The following MTMR9 variants were observed in gnomAD, a reference collection of about 807,000 sequenced individuals.
MTMR9 encodes the protein myotubularin-related protein 9.
Under a neutral mutation model 69.5 loss-of-function variants are expected in MTMR9, and 39 were observed. The ratio of observed to expected loss-of-function variants is 0.56; its 90% confidence interval spans 0.43 to 0.73. The LOEUF (loss-of-function observed/expected upper bound fraction) is 0.73. Among genes scored for constraint, MTMR9 ranks in the 30% least tolerant of loss-of-function variants. The pLI, the probability that MTMR9 is intolerant of heterozygous loss-of-function variation, is 0.00. For synonymous variants in MTMR9, 354 were observed against 240.8 expected (o/e 1.47, Z -4.35); for missense variants, 900 against 671.2 (o/e 1.34, Z -3.77).
intron 8 of MTMR9, chr8:11,317,337 T>A (rs1272065924): frequency 1.3e-5 from 2 of 152,416 alleles, no homozygotes; most frequent in African/African-American, 4.8e-5. Flanking sequence ...CAGGGACCAG[T>A]TTTGTGGATA....
At chr8:11,286,666 CAAAAAAAAAAAAAAA>C (rs869105936) in intron 1 of MTMR9, among the ~76,000 whole-genome samples, 1 of 71,664 alleles carries the variant, frequency 1.4e-5, no homozygotes, top group Non-Finnish European at 2.8e-5. Context: ...AACTCCATCT[CAAAAAAAAAAAAAAA>C]AAAAAAAAAA....
downstream of MTMR9, chr8:11,331,271 C>G (rs142496846): frequency 8.2e-4 from 1,326 of 1,613,852 alleles, 1 homozygote; most frequent in Middle Eastern, 1.3e-3. Context: ...GCTTCGTGGG[C>G]CCCCTTTCTC....
At chr8:11,315,610 T>C (rs1800384184) in intron 7 of MTMR9, among the ~76,000 whole-genome samples, 1 of 152,256 alleles carries the variant, frequency 6.6e-6, no homozygotes, top group African/African-American at 2.4e-5. Flanking sequence ...TAATTGTATT[T>C]GAACACAAAT....
intron 7 of MTMR9, 159 bp from the exon 8 acceptor site, chr8:11,316,514 T>C (rs963017134): frequency 8.6e-6 from 4 of 463,154 alleles, no homozygotes; most frequent in Non-Finnish European, 1.5e-5. Flanking sequence ...GCTATTTATT[T>C]TATACCAAGA....
In MTMR9 at chr8:11,311,882, T is replaced by TG. The variant is rs375864728; in HGVS notation, c.971+2194_971+2195insG. ...CTAAGTTGATGTGGTATTCTAAATCTTTTTTTTTTTTTTTGTCATTTCAAC... is the reference window on the plus strand; with the variant it reads ...CTAAGTTGATGTGGTATTCTAAATCTGTTTTTTTTTTTTTTGTCATTTCAAC... On this transcript the variant is annotated intron_variant, in intron 6 of 9. Coordinates refer to ENST00000221086, the MANE Select transcript of MTMR9 (RefSeq NM_015458.4). 0.014 allele frequency among the ~76,000 whole-genome samples: 380 copies of TG among 27,584 alleles called. 7 individuals are homozygous for TG. The East Asian group carries it at 0.27, about 20-fold the overall frequency. The allele number at this position is 27,584 out of a possible 152,430, so 18.1% of individuals were successfully genotyped here.
At chr8:11,299,541 C>A (rs191368847) in intron 2 of MTMR9, among the ~76,000 whole-genome samples, 1 of 152,172 alleles carries the variant, frequency 6.6e-6, no homozygotes. Context: ...TTCTCATTCC[C>A]ATCTGACTGT....
At chr8:11,339,085 T>C in the MTMR9 span, among the ~76,000 whole-genome samples, 1 of 152,176 alleles carries the variant, frequency 6.6e-6, no homozygotes, top group African/African-American at 2.4e-5. Flanking sequence ...TTAGCACCAT[T>C]CTCCAGGACT....
intron 3 of MTMR9, among the ~76,000 whole-genome samples, chr8:11,302,319 A>G (rs1799777510): frequency 6.6e-6 from 1 of 151,094 alleles, no homozygotes; most frequent in Middle Eastern, 3.2e-3. Context: ...AAGAAAGACA[A>G]TATTCAAATG....
chr8:11,305,517 C>T (rs1377126883), intron 4 of MTMR9, among the ~76,000 whole-genome samples: 4 of 152,076 alleles, frequency 2.6e-5, no homozygotes, highest in East Asian at 1.9e-4. Flanking sequence ...GTAATGGTGG[C>T]GTCTTGAAAG....
chr8:11,332,232 A>G, downstream of MTMR9: 1 of 1,466,912 alleles, frequency 6.8e-7, no homozygotes. Context: ...AATCCTAGGA[A>G]AGAGTGAAAG....
In MTMR9 at chr8:11,321,592, A is replaced by C. The variant is rs1353902888; in HGVS notation, c.1487-1033A>C. 1.2e-5 allele frequency: 5 copies of C among 432,598 alleles called. No homozygotes were observed. The Admixed American group carries it at 1.3e-4, about 11-fold the overall frequency. The allele number at this position is 432,598 out of a possible 1,614,324, so 26.8% of individuals were successfully genotyped here. On this transcript the variant is annotated intron_variant, in intron 9 of 9. Transcript: ENST00000221086. ...TTTCAGTGTGTGTTTCATGCTCCTC[A>C]ACCTAGAGCTGGGAGAAGAAGAAGC...
At chr8:11,285,147 T>A in intron 1 of MTMR9, 77 bp downstream of exon 1, 4 of 1,385,022 alleles carry the variant, frequency 2.9e-6, no homozygotes, top group Non-Finnish European at 3.9e-6. Flanking sequence ...CTTCCTGGCG[T>A]TTTCCGCGCA....
chr8:11,328,409 G>C (rs1213872595), downstream of MTMR9, among the ~76,000 whole-genome samples: 2 of 151,520 alleles, frequency 1.3e-5, no homozygotes, highest in East Asian at 3.9e-4. Flanking sequence ...ATCCGAGTTA[G>C]CTGCAGACAT....
In MTMR9 at chr8:11,309,696, G is replaced by T; in HGVS notation, c.971+8G>T. 6.2e-7 allele frequency: 1 copy of T among 1,612,482 alleles called. No individual in the cohort carries two copies. The highest frequency in any genetic ancestry group is 8.5e-7 in the Non-Finnish European group (1 of 1,179,264). On this transcript the variant is annotated splice_region_variant and intron_variant, in intron 6 of 9. Transcript: ENST00000221086. ...GGCTCAGTGCATCGACAGGTAAAGT[G>T]CATTTCAGCGTTCCTGAGCGAAACA...
the MTMR9 span, among the ~76,000 whole-genome samples, chr8:11,337,071 T>A: frequency 6.6e-6 from 1 of 152,174 alleles, no homozygotes; most frequent in Non-Finnish European, 1.5e-5. Context: ...TCTGGACTGT[T>A]ATCTACTGGG....
In MTMR9 at chr8:11,322,843, C is replaced by T. The variant is rs927217019; in HGVS notation, c.*55C>T. 12 of 1,526,416 alleles carry T rather than the reference C, an allele frequency of 7.9e-6. No homozygotes were observed. The highest frequency in any genetic ancestry group is 9.8e-6 in the Non-Finnish European group (11 of 1,123,910). The allele number at this position is 1,526,416 out of a possible 1,614,324, so 94.6% of individuals were successfully genotyped here. A position where few individuals can be genotyped will look rare whatever the true frequency, so the allele number is the denominator to read the frequency against. Reference sequence around the variant, plus strand: ...TTCTTGGGCCTGTGTCCGCCGTTCTCTCCTTGTGCCCTTCAGTTCACTTTT... The same window carrying T: ...TTCTTGGGCCTGTGTCCGCCGTTCTTTCCTTGTGCCCTTCAGTTCACTTTT... On this transcript the variant is annotated 3_prime_UTR_variant, in exon 10 of 10. Coordinates refer to ENST00000221086, the MANE Select transcript of MTMR9 (RefSeq NM_015458.4).
At chr8:11,298,720 A>ACT in intron 2 of MTMR9, 1 of 726,514 alleles carries the variant, frequency 1.4e-6, no homozygotes, top group Non-Finnish European at 1.6e-6. Flanking sequence ...TCCCCGCTGC[A>ACT]CCCCCCCCCC....
At chr8:11,304,577 G>A (rs1322762903) in intron 3 of MTMR9, among the ~76,000 whole-genome samples, 2 of 152,202 alleles carry the variant, frequency 1.3e-5, no homozygotes, top group Non-Finnish European at 2.9e-5. Flanking sequence ...AATAGAGGGA[G>A]CTACAGAGCA....
downstream of MTMR9, chr8:11,332,319 G>T (rs980449903): frequency 8.5e-5 from 85 of 1,004,042 alleles, no homozygotes; most frequent in African/African-American, 1.3e-3. Context: ...AAACAAATGA[G>T]AAATCTGGCT....
Sources: allele counts gnomAD v4.1 joint callset (sites outside exome capture counted in the v4.1 genomes callset), GRCh38; gene constraint gnomAD v4.1.1; transcripts MANE v1.5; gene names NCBI Gene and HGNC (gene_info 2026-07-23, HGNC 2026-07-21).